Variants in INPP4B observed in about 807,000 individuals in gnomAD.
INPP4B encodes the protein inositol polyphosphate 4-phosphatase type II.
In INPP4B, 55 loss-of-function variants were observed where a neutral mutation model predicts 122.5. The observed-to-expected ratio is 0.45, with a 90% CI of 0.36 to 0.56. INPP4B has a LOEUF of 0.56. INPP4B is among the 20% of genes least tolerant of loss of function. The probability of loss-of-function intolerance (pLI) is 0.00; values close to 1 mark genes in which losing one functional copy is unlikely to be tolerated. For missense variants in INPP4B, 1,000 were observed against 1,097.7 expected (o/e 0.91, Z 1.26); for synonymous variants, 403 against 388.7 (o/e 1.04, Z -0.43).
Position 142,160,794 on chromosome 4 carries a change from A to G in INPP4B, c.1360-233T>C, listed in dbSNP as rs148540699. On this transcript the variant is annotated intron_variant, in intron 16 of 25. Transcript: ENST00000262992. ...AAGTTAATGCTGAGGTTTTAAATGC[A>G]CTATAAACACCGTCTGTCTCCTCAA... Among the ~76,000 whole-genome samples, 31 of 152,116 alleles carry G rather than the reference A, an allele frequency of 2.0e-4. No individual in the cohort carries two copies. The East Asian group carries it at 4.1e-3, about 20-fold the overall frequency.
At chr4:142,537,687 T>C (rs146557740) in intron 2 of INPP4B, among the ~76,000 whole-genome samples, 82 of 151,718 alleles carry the variant, frequency 5.4e-4, no homozygotes, top group African/African-American at 1.8e-3. Context: ...AAAATTGGTT[T>C]CATTAAACAC....
chr4:142,476,071 A>G (rs761400630), intron 2 of INPP4B, among the ~76,000 whole-genome samples: 4 of 152,162 alleles, frequency 2.6e-5, no homozygotes, highest in African/African-American at 4.8e-5. Flanking sequence ...ATGAAAGGAA[A>G]AATATTGAAG....
intron 2 of INPP4B, among the ~76,000 whole-genome samples, chr4:142,485,445 T>C (rs1379009478): frequency 6.6e-6 from 1 of 152,126 alleles, no homozygotes. Flanking sequence ...CAATACTCCT[T>C]TGTCAGCTAA....
At chr4:142,737,083 A>C (rs1444350825) in intron 1 of INPP4B, among the ~76,000 whole-genome samples, 1 of 152,144 alleles carries the variant, frequency 6.6e-6, no homozygotes, top group Non-Finnish European at 1.5e-5. Flanking sequence ...GCTACAAATG[A>C]CTTTCTTCAC....
intron 1 of INPP4B, among the ~76,000 whole-genome samples, chr4:142,826,637 G>A (rs1429380702): frequency 6.6e-6 from 1 of 151,332 alleles, no homozygotes; most frequent in Non-Finnish European, 1.5e-5. Context: ...CTGATATTTT[G>A]GTTACAGTGT....
At chr4:142,161,953 C>G (rs1215179392) in intron 16 of INPP4B, among the ~76,000 whole-genome samples, 2 of 151,762 alleles carry the variant, frequency 1.3e-5, no homozygotes, top group South Asian at 2.1e-4. Flanking sequence ...TTATTCCACA[C>G]TACTCACCAC....
At chr4:142,520,077 A>G (rs764703047) in intron 2 of INPP4B, among the ~76,000 whole-genome samples, 15 of 152,060 alleles carry the variant, frequency 9.9e-5, no homozygotes, top group Non-Finnish European at 1.9e-4. Flanking sequence ...TTACAATAAG[A>G]TTTCAACTCT....
rs1560781708 is a variant in INPP4B, at chr4:142,545,703, ATATATGTGTGTGTATATGTGTG to A, written c.-190-82999_-190-82978del. On this transcript the variant is annotated intron_variant, in intron 2 of 25. Coordinates refer to ENST00000262992, the MANE Select transcript of INPP4B (RefSeq NM_001101669.3). ...TTAATACACACATATATATGTGTAT[ATATATGTGTGTGTATATGTGTG>A]TATATACACATATATGTGTATATAT... Among the ~76,000 whole-genome samples, 605 of 112,392 alleles carry A rather than the reference ATATATGTGTGTGTATATGTGTG, an allele frequency of 5.4e-3. 3 individuals carry two copies. Among genetic ancestry groups the A allele is most frequent in the African/African-American group, 0.012 (348 of 28,614 alleles). The allele number at this position is 112,392 out of a possible 152,430, so 73.7% of individuals were successfully genotyped here.
At chr4:142,743,918 T>C (rs775557478) in intron 1 of INPP4B, among the ~76,000 whole-genome samples, 1 of 151,680 alleles carries the variant, frequency 6.6e-6, no homozygotes, top group Non-Finnish European at 1.5e-5. Flanking sequence ...GATTACTAGA[T>C]AGACATAAAA....
chr4:142,604,079 A>C (rs1373976626), intron 2 of INPP4B, among the ~76,000 whole-genome samples: 1 of 152,178 alleles, frequency 6.6e-6, no homozygotes, highest in Non-Finnish European at 1.5e-5. Context: ...CAATACACGC[A>C]AATCAATAAA....
intron 2 of INPP4B, among the ~76,000 whole-genome samples, chr4:142,501,565 T>A (rs1351271251): frequency 6.7e-6 from 1 of 148,946 alleles, no homozygotes; most frequent in Non-Finnish European, 1.5e-5. Flanking sequence ...AGGAAAAAAA[T>A]AAAAGATTTG....
At chr4:142,130,863 C>G (rs1445697809) in intron 18 of INPP4B, among the ~76,000 whole-genome samples, 1 of 152,166 alleles carries the variant, frequency 6.6e-6, no homozygotes, top group Non-Finnish European at 1.5e-5. Context: ...TTTGTTTAAA[C>G]CCTGCCAGCC....
At chr4:142,214,087 A>G (rs763280598) in intron 12 of INPP4B, among the ~76,000 whole-genome samples, 39 of 152,200 alleles carry the variant, frequency 2.6e-4, no homozygotes, top group Non-Finnish European at 4.7e-4. Context: ...TCTATGCCAT[A>G]CAGTGGGGTA....
At chr4:142,072,189 A>T (rs1767835781) in intron 25 of INPP4B, among the ~76,000 whole-genome samples, 1 of 152,130 alleles carries the variant, frequency 6.6e-6, no homozygotes, top group Non-Finnish European at 1.5e-5. Context: ...CTTTGTAGGG[A>T]CATGGATGAA....
chr4:142,587,310 A>G (rs1449475150), intron 2 of INPP4B, among the ~76,000 whole-genome samples: 1 of 152,038 alleles, frequency 6.6e-6, no homozygotes, highest in Non-Finnish European at 1.5e-5. Flanking sequence ...GGTGGTTGTG[A>G]TTAGGTATAT....
In INPP4B at chr4:142,758,983, A is replaced by T. The variant is rs1770908084; in HGVS notation, c.-253-33082T>A. Among the ~76,000 whole-genome samples, 7 of 152,098 alleles carry T rather than the reference A, an allele frequency of 4.6e-5. No individual in the cohort carries two copies. In the South Asian group the frequency reaches 1.4e-3, roughly 31 times the overall value. ...AAAAAAAAAAAAATCACTTGTTAAA[A>T]GCCTTTCACTGTGTAGATAACAACT... On this transcript the variant is annotated intron_variant, in intron 1 of 25. Coordinates refer to ENST00000262992, the MANE Select transcript of INPP4B (RefSeq NM_001101669.3).
chr4:142,561,115 C>G (rs1343349801), intron 2 of INPP4B, among the ~76,000 whole-genome samples: 1 of 152,096 alleles, frequency 6.6e-6, no homozygotes, highest in East Asian at 1.9e-4. Context: ...TAGAGCTAAA[C>G]TCACTAATAG....
chr4:142,532,846 T>C (rs1011012950), intron 2 of INPP4B, among the ~76,000 whole-genome samples: 4 of 152,332 alleles, frequency 2.6e-5, no homozygotes, highest in Middle Eastern at 3.4e-3. Flanking sequence ...ATTCAGATTT[T>C]TTAAATCTTA....
intron 2 of INPP4B, among the ~76,000 whole-genome samples, chr4:142,569,490 T>C (rs1732354109): frequency 6.6e-6 from 1 of 152,072 alleles, no homozygotes. Context: ...TGAGGTGAAC[T>C]CTGTTATCAT....
Sources: allele counts gnomAD v4.1 joint callset (sites outside exome capture counted in the v4.1 genomes callset), GRCh38; gene constraint gnomAD v4.1.1; transcripts MANE v1.5; gene names NCBI Gene and HGNC (gene_info 2026-07-23, HGNC 2026-07-21).